Variants in ITPK1 observed in about 807,000 individuals in gnomAD.
The protein encoded by ITPK1 is inositol-tetrakisphosphate 1-kinase, also known as inositol 1,3,4-trisphosphate 5/6-kinase.
Under a neutral mutation model 45.3 loss-of-function variants are expected in ITPK1, and 21 were observed. The observed-to-expected ratio is 0.46, with a 90% confidence interval of 0.33 to 0.67. ITPK1 has a LOEUF of 0.67. ITPK1 is among the 30% of genes least tolerant of loss of function. The pLI, the probability that ITPK1 is intolerant of heterozygous loss-of-function variation, is 0.02. For missense variants in ITPK1, 474 were observed against 573.5 expected, an observed-to-expected ratio of 0.83 and a Z score of 1.77; for synonymous variants, 258 against 253.6, an observed-to-expected ratio of 1.02 and a Z score of -0.16.
intron 4 of ITPK1, among the ~76,000 whole-genome samples, chr14:93,002,911 G>C (rs927689629): frequency 6.6e-6 from 1 of 152,162 alleles, no homozygotes; most frequent in Non-Finnish European, 1.5e-5. Flanking sequence ...GCCACAGCTG[G>C]ACCAGAGGCT....
rs1787886376 is a variant in ITPK1, at chr14:93,016,787, C to A, written c.135G>T (p.Arg45=). The part of the protein sequence containing the change: ...GMEVVQLNLS[R]PIEEQGPLDV... ...CCAGGGGGCCCTGCTCCTCGATCGGCCGGCTAAGGTTCAGCTGTGAGGCAG... is the reference window on the plus strand; with the variant it reads ...CCAGGGGGCCCTGCTCCTCGATCGGACGGCTAAGGTTCAGCTGTGAGGCAG... Residue 45 remains arginine, a synonymous_variant, in exon 4 of 11, where the codon CGG becomes CGT. Coordinates refer to ENST00000267615, the MANE Select transcript of ITPK1 (RefSeq NM_014216.6). This position sits in a 1 kb window ranked among gnomAD's most constrained non-coding sequence, Gnocchi z 5.0. 3 of 1,614,092 alleles carry A rather than the reference C, an allele frequency of 1.9e-6. No homozygotes were observed. The highest frequency in any genetic ancestry group is 1.7e-4 in the Middle Eastern group (1 of 6,060).
chr14:92,995,123 G>A (rs1287772263), intron 4 of ITPK1, among the ~76,000 whole-genome samples: 1 of 152,238 alleles, frequency 6.6e-6, no homozygotes, highest in Admixed American at 6.5e-5. Flanking sequence ...TCCGGAGGGA[G>A]CCACTGCTGA....
At chr14:92,996,844 G>A (rs1033853195) in intron 4 of ITPK1, among the ~76,000 whole-genome samples, 2 of 152,156 alleles carry the variant, frequency 1.3e-5, no homozygotes, top group South Asian at 2.1e-4. Flanking sequence ...CCAGGCGCCC[G>A]ATGTCGTCAC....
intron 3 of ITPK1, among the ~76,000 whole-genome samples, chr14:93,060,866 A>C (rs1353566032): frequency 6.6e-6 from 1 of 152,182 alleles, no homozygotes; most frequent in African/African-American, 2.4e-5. Context: ...GAGAATAATA[A>C]ATAGATCCCA....
At chr14:92,946,139 C>T (rs1249600458) in intron 10 of ITPK1, among the ~76,000 whole-genome samples, 192 bp downstream of exon 10, 3 of 152,256 alleles carry the variant, frequency 2.0e-5, no homozygotes, top group East Asian at 3.9e-4. Context: ...GTGCAGCTCT[C>T]CCTCCCTCCT....
chr14:92,942,291 G>A (rs1887469226), intron 10 of ITPK1, among the ~76,000 whole-genome samples: 1 of 152,172 alleles, frequency 6.6e-6, no homozygotes, highest in Admixed American at 6.5e-5. Context: ...CAGCACCAAA[G>A]CCAGCTCCAC....
intron 2 of ITPK1, among the ~76,000 whole-genome samples, chr14:93,088,453 C>T (rs1398274073): frequency 1.3e-5 from 2 of 151,280 alleles, no homozygotes; most frequent in African/African-American, 4.9e-5. Flanking sequence ...AATTCTCCCG[C>T]GTTCAAGCAG....
chr14:92,997,599 T>G (rs965367644), intron 4 of ITPK1, among the ~76,000 whole-genome samples: 1 of 152,318 alleles, frequency 6.6e-6, no homozygotes, highest in African/African-American at 2.4e-5. Context: ...TTCACAAGTC[T>G]CTTAGAATTA....
intron 5 of ITPK1, among the ~76,000 whole-genome samples, chr14:92,993,054 A>G (rs1482706416): frequency 6.6e-6 from 1 of 152,248 alleles, no homozygotes; most frequent in Non-Finnish European, 1.5e-5. Flanking sequence ...AATTATGCCC[A>G]AGGCCAAGTC....
intron 3 of ITPK1, among the ~76,000 whole-genome samples, chr14:93,053,823 A>G (rs1443166509): frequency 6.6e-6 from 1 of 152,188 alleles, no homozygotes; most frequent in Non-Finnish European, 1.5e-5. Context: ...TCTATTAAAA[A>G]TCAATCTCCC....
At chr14:93,044,342 ACC>A (rs200742538) in intron 3 of ITPK1, among the ~76,000 whole-genome samples, 1 of 130,518 alleles carries the variant, frequency 7.7e-6, no homozygotes, top group Non-Finnish European at 1.8e-5. Flanking sequence ...ATCTGGTCCA[ACC>A]CCCTCCGCAG....
intron 3 of ITPK1, among the ~76,000 whole-genome samples, chr14:93,026,061 G>A (rs945419984): frequency 6.6e-6 from 1 of 152,076 alleles, no homozygotes; most frequent in African/African-American, 2.4e-5. Context: ...GCTTAAGCAC[G>A]GATTGCGCCA....
At chr14:93,054,554 AG>A (rs1048491411) in intron 3 of ITPK1, among the ~76,000 whole-genome samples, 7 of 152,214 alleles carry the variant, frequency 4.6e-5, no homozygotes, top group African/African-American at 1.7e-4. Context: ...ACACTGGGCC[AG>A]GGGGTACAGA....
At chr14:93,029,189 T>C (rs970039270) in intron 3 of ITPK1, among the ~76,000 whole-genome samples, 9 of 152,062 alleles carry the variant, frequency 5.9e-5, no homozygotes, top group African/African-American at 2.2e-4. Flanking sequence ...AAAAAGGACA[T>C]GATGAGATGA....
At position 92,941,203 on chromosome 14, in the gene ITPK1, C is replaced by A; in HGVS notation, c.*358G>T. ...CCCAAGGGTCCCGGTCCACAGTGGC[C>A]ATGGAGACCAACAGACAGGGATGTG... On this transcript the variant is annotated 3_prime_UTR_variant, in exon 11 of 11. Transcript: ENST00000267615. 3 of 1,269,804 alleles carry A rather than the reference C, an allele frequency of 2.4e-6. No individual in the cohort carries two copies. Among genetic ancestry groups the A allele is most frequent in the South Asian group, 3.2e-5 (2 of 62,398 alleles). The allele number at this position is 1,269,804 out of a possible 1,614,324, so 78.7% of individuals were successfully genotyped here. A position where few individuals can be genotyped will look rare whatever the true frequency, so the allele number is the denominator to read the frequency against.
At position 93,034,871 on chromosome 14, in the gene ITPK1, T is replaced by C. The variant is rs1362791809; in HGVS notation, c.121-18070A>G. 6.6e-6 allele frequency among the ~76,000 whole-genome samples: 1 copy of C among 152,196 alleles called. No homozygotes were observed. Among genetic ancestry groups the C allele is most frequent in the Non-Finnish European group, 1.5e-5 (1 of 68,008 alleles). ...CAGGGCCGAGGATTCAGTGGTTCCC[T>C]CCAACCTGAGGTCCTGGCCCTCCCA... On this transcript the variant is annotated intron_variant, in intron 3 of 10. Coordinates refer to ENST00000267615, the MANE Select transcript of ITPK1 (RefSeq NM_014216.6). The surrounding 1 kb of genome is among the most constrained non-coding windows in gnomAD (Gnocchi z 4.1).
chr14:93,019,193 G>C (rs920811609), intron 3 of ITPK1, among the ~76,000 whole-genome samples: 1 of 152,212 alleles, frequency 6.6e-6, no homozygotes, highest in Non-Finnish European at 1.5e-5. Context: ...CCGGGCCACA[G>C]GAGCGACGCA....
rs751438307 is a variant in ITPK1 at position 93,036,343 on chromosome 14, G to A, written c.121-19542C>T. Among the ~76,000 whole-genome samples, 6 of 152,194 alleles carry A rather than the reference G, an allele frequency of 3.9e-5. No individual in the cohort carries two copies. Among genetic ancestry groups the A allele is most frequent in the African/African-American group, 7.2e-5 (3 of 41,444 alleles). On this transcript the variant is annotated intron_variant, in intron 3 of 10. Coordinates refer to ENST00000267615, the MANE Select transcript of ITPK1 (RefSeq NM_014216.6). This position sits in a 1 kb window ranked among gnomAD's most constrained non-coding sequence, Gnocchi z 4.1. ...CCACAAGGTCATGCTCTGTGACAGC[G>A]TGAGAAGAACTGCAAACATCTCACT...
At chr14:93,106,964 CT>C (rs36024862) in intron 2 of ITPK1, among the ~76,000 whole-genome samples, 38 of 148,766 alleles carry the variant, frequency 2.6e-4, no homozygotes, top group East Asian at 9.8e-4. Context: ...CACTAACATA[CT>C]TTTTTTTTTT....
Sources: allele counts gnomAD v4.1 joint callset (sites outside exome capture counted in the v4.1 genomes callset), GRCh38; gene constraint gnomAD v4.1.1; non-coding constraint Gnocchi (gnomAD v3.1); transcripts MANE v1.5; gene names NCBI Gene and HGNC (gene_info 2026-07-23, HGNC 2026-07-21).